Variants in PCDHA5 observed in about 807,000 individuals in gnomAD.
The protein encoded by PCDHA5 is protocadherin alpha-5.
PCDHA5 carries 43 observed loss-of-function variants against 61.6 expected under a neutral mutation model. That is an observed-to-expected ratio of 0.70 (90% CI 0.55 to 0.90). The LOEUF (loss-of-function observed/expected upper bound fraction) is 0.90. Among genes scored for constraint, PCDHA5 ranks in the 40% least tolerant of loss-of-function variants. The pLI, the probability that PCDHA5 is intolerant of heterozygous loss-of-function variation, is 0.00. For synonymous variants in PCDHA5, 627 were observed against 543.9 expected (o/e 1.15, Z -2.13); for missense variants, 1,298 against 1,222.7 (o/e 1.06, Z -0.92).
At chr5:140,924,992 G>T (rs1383717650) in intron 1 of PCDHA5, among the ~76,000 whole-genome samples, 3 of 151,676 alleles carry the variant, frequency 2.0e-5, no homozygotes, top group African/African-American at 7.3e-5. Context: ...TGTAATCCTA[G>T]CACTTTAGGA....
rs782467193 is a variant in PCDHA5, at chr5:140,884,498, G to A, written c.2352+60371G>A. 8.1e-6 allele frequency: 13 copies of A among 1,613,958 alleles called. No homozygotes were observed. The Admixed American group carries it at 8.3e-5, about 10-fold the overall frequency. On this transcript the variant is annotated intron_variant, in intron 1 of 3. Transcript: ENST00000529859. ...CAAGCCCACTCTAGTGTGCTCCAGC[G>A]CGGCAGGGAGTTGGTCGTACTCGCA...
rs1317761194 is a variant in PCDHA5 at position 140,848,794 on chromosome 5, C to T, written c.2352+24667C>T. The T allele has an allele frequency of 3.1e-6, 5 of 1,592,486 alleles. No homozygotes were observed. The African/African-American group carries it at 5.4e-5, about 17-fold the overall frequency. On this transcript the variant is annotated intron_variant, in intron 1 of 3. Transcript: ENST00000529859. ...CGCGAGGAGCTGTGCGGGCGGAGCG[C>T]GGAGTGCAGCATCCACCTGGAGGTG...
At chr5:140,959,373 CA>C (rs1243465116) in intron 1 of PCDHA5, among the ~76,000 whole-genome samples, 26 of 145,126 alleles carry the variant, frequency 1.8e-4, no homozygotes, top group South Asian at 2.2e-4. Flanking sequence ...GACCCTGTCT[CA>C]AAAAAAAAAG....
chr5:140,845,510 C>A (rs1779902484), intron 1 of PCDHA5, among the ~76,000 whole-genome samples: 3 of 149,534 alleles, frequency 2.0e-5, no homozygotes, highest in African/African-American at 7.3e-5. Context: ...AAACCTATTT[C>A]TTGTACATTA....
intron 1 of PCDHA5, chr5:140,882,561 G>T (rs2059195927): frequency 1.2e-6 from 2 of 1,614,222 alleles, no homozygotes; most frequent in East Asian, 4.5e-5. Context: ...CTGTGTGGGC[G>T]GAGCGCGGAG....
At chr5:140,841,297 T>A (rs2150312765) in intron 1 of PCDHA5, 1 of 1,566,194 alleles carries the variant, frequency 6.4e-7, no homozygotes, top group South Asian at 1.2e-5. Flanking sequence ...AGATAATATT[T>A]TCTGATAGGA....
chr5:140,955,216 C>T (rs2095153192), intron 1 of PCDHA5, among the ~76,000 whole-genome samples: 2 of 152,122 alleles, frequency 1.3e-5, no homozygotes, highest in East Asian at 3.9e-4. Flanking sequence ...AGCATGATGC[C>T]TCCAGCTTTG....
intron 1 of PCDHA5, among the ~76,000 whole-genome samples, chr5:140,846,536 T>C (rs1215890170): frequency 1.3e-5 from 2 of 148,200 alleles, no homozygotes; most frequent in Admixed American, 1.4e-4. Context: ...CACCATGCCC[T>C]GCTAATTTTT....
chr5:140,858,323 G>A, intron 1 of PCDHA5: 2 of 1,596,704 alleles, frequency 1.3e-6, no homozygotes, highest in Non-Finnish European at 1.7e-6. Context: ...GGTGTGTTCT[G>A]GGGAGGGCCT....
At chr5:140,897,353 T>C (rs1363658526) in intron 1 of PCDHA5, among the ~76,000 whole-genome samples, 3 of 116,194 alleles carry the variant, frequency 2.6e-5, no homozygotes, top group Non-Finnish European at 4.9e-5. Flanking sequence ...CCCACAACTG[T>C]CCCCAGAGTG....
At position 140,850,532 on chromosome 5, in the gene PCDHA5, G is replaced by A. The variant is rs140380568; in HGVS notation, c.2352+26405G>A. 9.4e-6 allele frequency: 15 copies of A among 1,598,364 alleles called. 1 individual carries two copies. Among genetic ancestry groups the A allele is most frequent in the Admixed American group, 6.7e-5 (4 of 59,316 alleles). ...AGAGCGGCCAGGCGCCAAAGTCATC[G>A]TCGCGGGCGTCAGTGGGTGCCACGG... On this transcript the variant is annotated intron_variant, in intron 1 of 3. Transcript: ENST00000529859.
chr5:140,911,974 A>C (rs1471523711), intron 1 of PCDHA5, among the ~76,000 whole-genome samples: 3 of 152,212 alleles, frequency 2.0e-5, no homozygotes, highest in African/African-American at 4.8e-5. Flanking sequence ...GTATTAACTC[A>C]CATGATCACA....
intron 1 of PCDHA5, chr5:140,968,679 A>T: frequency 6.2e-7 from 1 of 1,614,176 alleles, no homozygotes; most frequent in South Asian, 1.1e-5. Flanking sequence ...GTAGAGCTGC[A>T]CACAGGAGAA....
At chr5:140,962,543 G>A (rs962454688) in intron 1 of PCDHA5, among the ~76,000 whole-genome samples, 1 of 152,176 alleles carries the variant, frequency 6.6e-6, no homozygotes, top group African/African-American at 2.4e-5. Flanking sequence ...AACTAAAAAT[G>A]TAGAGGATCT....
intron 1 of PCDHA5, among the ~76,000 whole-genome samples, chr5:140,896,590 T>G (rs1338982892): frequency 6.6e-6 from 1 of 152,032 alleles, no homozygotes; most frequent in Non-Finnish European, 1.5e-5. Flanking sequence ...TTGGCCAGGC[T>G]GGTCTCGAAC....
rs1485742296 is a variant in PCDHA5, at chr5:140,974,143, T to C, written c.2353-4806T>C. On this transcript the variant is annotated intron_variant, in intron 1 of 3. Transcript: ENST00000529859. ...GTTTTAAATCTGCTAACCTGAAAACTATACAAGGGTTTTTCTTTCAAGAAT... is the reference window on the plus strand; with the variant it reads ...GTTTTAAATCTGCTAACCTGAAAACCATACAAGGGTTTTTCTTTCAAGAAT... 2.0e-5 allele frequency among the ~76,000 whole-genome samples: 3 copies of C among 152,324 alleles called. No homozygotes were observed. The East Asian group carries it at 5.8e-4, about 29-fold the overall frequency.
intron 1 of PCDHA5, chr5:140,968,908 A>G: frequency 6.2e-7 from 1 of 1,614,182 alleles, no homozygotes; most frequent in Non-Finnish European, 8.5e-7. Context: ...CATTAAGCAC[A>G]GTGTCTTTTA....
chr5:140,870,317 C>G lies in PCDHA5; in HGVS notation c.2352+46190C>G, dbSNP rs782216904. On this transcript the variant is annotated intron_variant, in intron 1 of 3. Coordinates refer to ENST00000529859, the MANE Select transcript of PCDHA5 (RefSeq NM_018908.3). ...GTGTCCACCTTCAAGAATTACTACT[C>G]GTTGGTGCTGGACAGCGCCCTGGAC... 122 of 1,614,080 alleles carry G rather than the reference C, an allele frequency of 7.6e-5. No individual in the cohort carries two copies. Among genetic ancestry groups the G allele is most frequent in the Non-Finnish European group, 1.0e-4 (120 of 1,180,036 alleles).
intron 1 of PCDHA5, chr5:140,835,699 C>T: frequency 1.9e-6 from 3 of 1,613,916 alleles, no homozygotes; most frequent in African/African-American, 2.7e-5. Context: ...TGGGCCACTG[C>T]TAGCGTGTCC....
Sources: allele counts gnomAD v4.1 joint callset (sites outside exome capture counted in the v4.1 genomes callset), GRCh38; gene constraint gnomAD v4.1.1; transcripts MANE v1.5; gene names NCBI Gene and HGNC (gene_info 2026-07-23, HGNC 2026-07-21).